Variants in C5 observed in about 807,000 individuals in gnomAD.
C5 encodes C3 and PZP-like alpha-2-macroglobulin domain-containing protein 4.
C5 carries 140 observed loss-of-function variants against 218.8 expected under a neutral mutation model. That is an observed-to-expected ratio of 0.64 (90% CI 0.56 to 0.74). The LOEUF (loss-of-function observed/expected upper bound fraction) is 0.74. Ranked by LOEUF, C5 falls within the 30% of genes least tolerant of loss-of-function variation. The pLI is 0.00. For missense variants in C5, 1,700 were observed against 1,969.6 expected, an observed-to-expected ratio of 0.86 and a Z score of 2.59; for synonymous variants, 614 against 682.3, an observed-to-expected ratio of 0.90 and a Z score of 1.56.
rs774937700 is a variant in C5, at chr9:121,018,742, A to AAGGAAGGAAGG, written c.1507-891_1507-890insCCTTCCTTCCT. Among the ~76,000 whole-genome samples the AAGGAAGGAAGG allele has an allele frequency of 1.6e-3, 156 of 99,224 alleles. 4 individuals carry two copies. The highest frequency in any genetic ancestry group is 2.5e-3 in the Non-Finnish European group (120 of 48,872). The allele number at this position is 99,224 out of a possible 152,430, so 65.1% of individuals were successfully genotyped here. A position where few individuals can be genotyped will look rare whatever the true frequency, so the allele number is the denominator to read the frequency against. On this transcript the variant is annotated intron_variant, in intron 12 of 40. Coordinates refer to ENST00000223642, the MANE Select transcript of C5 (RefSeq NM_001735.3). ...GAAAGAAAGAAGGAAGGAAGGAAGGAAAGGAAGGAAGGAAGGAAGGAAGGA... is the reference window on the plus strand; with the variant it reads ...GAAAGAAAGAAGGAAGGAAGGAAGGAAGGAAGGAAGGAAGGAAGGAAGGAAGGAAGGAAGGA...
chr9:120,975,306 TTC>T (rs2046945032), intron 29 of C5, among the ~76,000 whole-genome samples: 1 of 152,224 alleles, frequency 6.6e-6, no homozygotes, highest in East Asian at 1.9e-4. Context: ...TTTCCCGTTA[TTC>T]TCTGTTTTAA....
At chr9:120,964,447 C>T (rs41312893) in intron 33 of C5, among the ~76,000 whole-genome samples, 2,665 of 152,332 alleles carry the variant, frequency 0.017, 85 homozygotes, top group African/African-American at 0.061. Flanking sequence ...GCCTGGACGA[C>T]AGAGTGAGAA....
At chr9:121,014,145 G>C in intron 16 of C5, 75 bp from the exon 17 acceptor site, 1 of 1,322,344 alleles carries the variant, frequency 7.6e-7, no homozygotes, top group South Asian at 1.2e-5. Flanking sequence ...AATCTCAAGG[G>C]ATACCTGGTT....
At chr9:121,037,779 G>A (rs1008766571) in intron 4 of C5, 102 bp downstream of exon 4, 12 of 584,402 alleles carry the variant, frequency 2.1e-5, no homozygotes, top group East Asian at 1.5e-4. Flanking sequence ...ACCATTTATG[G>A]AACATTGAAT....
intron 8 of C5, 21 bp downstream of exon 8, chr9:121,027,139 G>A (rs2131788685): frequency 7.8e-7 from 1 of 1,288,062 alleles, no homozygotes; most frequent in East Asian, 2.3e-5. Flanking sequence ...AGGTGTGAGT[G>A]ACTGTGTCTT....
the C5 span, among the ~76,000 whole-genome samples, chr9:121,072,736 G>C: frequency 6.6e-6 from 1 of 151,110 alleles, no homozygotes; most frequent in East Asian, 1.9e-4. Flanking sequence ...AACCCGGGAG[G>C]CGGAGGTTGC....
At chr9:121,042,267 G>A (rs2047588046) in intron 3 of C5, among the ~76,000 whole-genome samples, 1 of 152,140 alleles carries the variant, frequency 6.6e-6, no homozygotes, top group African/African-American at 2.4e-5. Flanking sequence ...TTTACTTTTG[G>A]TTCATTGGGA....
chr9:121,004,542 G>A (rs1017211970), intron 20 of C5, among the ~76,000 whole-genome samples: 5 of 152,158 alleles, frequency 3.3e-5, no homozygotes, highest in African/African-American at 7.2e-5. Flanking sequence ...GGGAAGCTGA[G>A]GCAGGTGGGT....
chr9:120,967,259 C>CAA lies in C5; in HGVS notation c.4220+1800_4220+1801dup, dbSNP rs755173508. Among the ~76,000 whole-genome samples, 414 of 74,008 alleles carry CAA rather than the reference C, an allele frequency of 5.6e-3. 2 individuals are homozygous for CAA. Among genetic ancestry groups the CAA allele is most frequent in the African/African-American group, 0.013 (374 of 27,788 alleles). 48.6% of individuals were successfully genotyped at this position (74,008 alleles called of 152,430 possible). ...TGGGAGACAGAGTGAAACTCCATCT[C>CAA]AAAAAAAAAAAAAAAAAAGATGTGG... is the stretch of plus-strand genomic sequence containing the variant. On this transcript the variant is annotated intron_variant, in intron 33 of 40. Coordinates refer to ENST00000223642, the MANE Select transcript of C5 (RefSeq NM_001735.3).
the C5 span, among the ~76,000 whole-genome samples, chr9:121,074,084 G>A: frequency 6.6e-6 from 1 of 152,152 alleles, no homozygotes; most frequent in African/African-American, 2.4e-5. Flanking sequence ...CTGCTAAGAT[G>A]ATAGGATTAT....
intron 25 of C5, among the ~76,000 whole-genome samples, chr9:120,984,068 G>T (rs549784695): frequency 9.6e-4 from 146 of 152,070 alleles, no homozygotes; most frequent in African/African-American, 3.4e-3. Flanking sequence ...AAGTTTCCTT[G>T]TTCTTTTACA....
intron 30 of C5, among the ~76,000 whole-genome samples, chr9:120,974,217 C>T (rs190355968): frequency 1.2e-4 from 19 of 152,274 alleles, no homozygotes; most frequent in African/African-American, 4.1e-4. Context: ...AAAGTTACCA[C>T]CTTTAAAAAT....
At chr9:121,061,223 A>C in the C5 span, among the ~76,000 whole-genome samples, 4 of 151,836 alleles carry the variant, frequency 2.6e-5, no homozygotes, top group Admixed American at 1.3e-4. Flanking sequence ...CACACACACA[A>C]AAAAGTAGCT....
chr9:121,002,254 G>A (rs28704149), intron 20 of C5, among the ~76,000 whole-genome samples: 5 of 65,970 alleles, frequency 7.6e-5, no homozygotes, highest in Admixed American at 2.3e-4. Context: ...GTATATATAT[G>A]TATATATGTA....
chr9:120,961,640 T>A lies in C5; in HGVS notation c.4505-75A>T. On this transcript the variant is annotated intron_variant, in intron 36 of 40. Transcript: ENST00000223642. ...CACATTTACTAATTGGCAAGTGTCTTACATGGAGCCTCAGAGATTGCTTAT... is the reference window on the plus strand; with the variant it reads ...CACATTTACTAATTGGCAAGTGTCTAACATGGAGCCTCAGAGATTGCTTAT... 4 of 918,766 alleles carry A rather than the reference T, an allele frequency of 4.4e-6. No individual in the cohort carries two copies. The Admixed American group carries it at 5.2e-5, about 12-fold the overall frequency. 56.9% of individuals were successfully genotyped at this position (918,766 alleles called of 1,614,324 possible).
intron 4 of C5, among the ~76,000 whole-genome samples, chr9:121,035,142 T>C (rs1183049479): frequency 1.5e-5 from 1 of 64,608 alleles, no homozygotes; most frequent in East Asian, 2.5e-3. Context: ...TTGAAGAGAC[T>C]CAACTCTCGT....
intron 25 of C5, among the ~76,000 whole-genome samples, chr9:120,986,337 G>C (rs1004730295): frequency 1.4e-5 from 2 of 147,082 alleles, no homozygotes; most frequent in Non-Finnish European, 3.0e-5. Context: ...TGTAGTTAAA[G>C]AGAAAAGTTC....
intron 28 of C5, among the ~76,000 whole-genome samples, chr9:120,978,284 G>C (rs926256355): frequency 1.3e-5 from 2 of 152,092 alleles, no homozygotes; most frequent in African/African-American, 4.8e-5. Context: ...CATATTTGAA[G>C]GTTAGTAAAA....
chr9:120,995,102 C>T (rs939943073), intron 22 of C5, among the ~76,000 whole-genome samples: 12 of 152,038 alleles, frequency 7.9e-5, no homozygotes, highest in African/African-American at 2.2e-4. Context: ...AGCATGTGGA[C>T]GCATGTACAT....
Sources: gnomAD v4.1 joint callset for allele counts (sites outside exome capture counted in the v4.1 genomes callset) on GRCh38, gnomAD v4.1.1 for gene constraint, MANE v1.5 for transcripts, NCBI Gene and HGNC (gene_info 2026-07-23, HGNC 2026-07-21) for gene names.